Variants in SCN3A observed in about 807,000 individuals in gnomAD.
SCN3A encodes the protein sodium channel protein type 3 subunit alpha.
In SCN3A, 60 loss-of-function variants were observed where a neutral mutation model predicts 187.6. That is an observed-to-expected ratio of 0.32 (90% CI 0.26 to 0.40). SCN3A has a LOEUF of 0.40. SCN3A is among the 10% of genes least tolerant of loss of function. The probability of loss-of-function intolerance (pLI) is 1.00; values close to 1 mark genes in which losing one functional copy is unlikely to be tolerated. For synonymous variants in SCN3A, 788 were observed against 829.2 expected, an observed-to-expected ratio of 0.95 and a Z score of 0.85; for missense variants, 1,601 against 2,428.2, an observed-to-expected ratio of 0.66 and a Z score of 7.16.
intron 9 of SCN3A, among the ~76,000 whole-genome samples, chr2:165,157,265 A>G (rs530546963): frequency 5.4e-4 from 82 of 152,224 alleles, no homozygotes; most frequent in African/African-American, 1.9e-3. Context: ...CAGGATACAC[A>G]TCGCATTTAG....
chr2:165,123,311 CACATATATA>C (rs1421105602), intron 18 of SCN3A, among the ~76,000 whole-genome samples: 2 of 151,980 alleles, frequency 1.3e-5, no homozygotes, highest in African/African-American at 4.8e-5. Context: ...TATATATACA[CACATATATA>C]ACATATATAA....
In SCN3A at chr2:165,097,473, A is replaced by G. The variant is rs1685412084; in HGVS notation, c.4018T>C (p.Leu1340=). Residue 1340 remains leucine (L), a synonymous_variant, in exon 23 of 28, where the codon TTG becomes CTG. Transcript: ENST00000283254. ...ATCAACCAGAAGATGAGACAGACCA[A>G]CAGCACATTCATGATAGAGGGAATT... ...GAIPSIMNVL[L]VCLIFWLIFS... The G allele has an allele frequency of 1.2e-6, 2 of 1,614,002 alleles. No homozygotes were observed. Among genetic ancestry groups the G allele is most frequent in the Admixed American group, 1.7e-5 (1 of 60,004 alleles).
At chr2:165,123,097 A>G (rs955085881) in intron 18 of SCN3A, among the ~76,000 whole-genome samples, 1 of 151,184 alleles carries the variant, frequency 6.6e-6, no homozygotes, top group African/African-American at 2.4e-5. Flanking sequence ...TATGATTATG[A>G]GAACTTAAAA....
chr2:165,195,301 A>G (rs1297921815), intron 1 of SCN3A: 2 of 152,188 alleles, frequency 1.3e-5, no homozygotes, highest in Non-Finnish European at 2.9e-5. Context: ...GCCGTGTGCC[A>G]GGTGTGCCAC....
rs1406229967 is a variant in SCN3A, at chr2:165,140,784, C to T, written c.1886G>A (p.Ser629Asn). 1.9e-6 allele frequency: 3 copies of T among 1,614,032 alleles called. No individual in the cohort carries two copies. The highest frequency in any genetic ancestry group is 1.1e-5 in the South Asian group (1 of 91,092). The change falls in exon 13 of 28, where the codon AGT (serine) becomes AAT (asparagine). Residue 629 changes from serine (S) to asparagine (N), a missense_variant. By Grantham distance (46) the Ser-to-Asn change is conservative. This residue lies in a region of SCN3A where 376 missense variants were observed against 476.0 expected (regional missense o/e 0.79). Transcript: ENST00000283254. This position sits in a 1 kb window ranked among gnomAD's most constrained non-coding sequence, Gnocchi z 4.2. The part of the protein sequence containing the change: ...ERRNSNVSQA[S>N]MSSRMVPGLP... ...CCCTGGCACCATCCTGGATGACATA[C>T]TGGCCTGACTAACGTTACTGTTGCG...
At chr2:165,155,946 C>T (rs770315670) in intron 9 of SCN3A, 43 bp from the exon 10 acceptor site, 2 of 1,610,558 alleles carry the variant, frequency 1.2e-6, no homozygotes, top group Non-Finnish European at 1.7e-6. Flanking sequence ...TTAGAAATTA[C>T]AGCAATTTCA....
intron 21 of SCN3A, among the ~76,000 whole-genome samples, chr2:165,108,725 TAGC>T (rs563285144): frequency 4.9e-4 from 74 of 152,308 alleles, no homozygotes; most frequent in Non-Finnish European, 8.1e-4. Flanking sequence ...GTGTGGTCAA[TAGC>T]AGCATCTATA....
chr2:165,148,721 C>A (rs1688500263), intron 11 of SCN3A, among the ~76,000 whole-genome samples: 1 of 151,764 alleles, frequency 6.6e-6, no homozygotes, highest in East Asian at 1.9e-4. Flanking sequence ...CAATACCCAG[C>A]ATTTAAATAA....
intron 19 of SCN3A, among the ~76,000 whole-genome samples, chr2:165,114,234 G>C (rs1247637371): frequency 6.6e-6 from 1 of 152,134 alleles, no homozygotes; most frequent in Non-Finnish European, 1.5e-5. Flanking sequence ...CCACCAGTCA[G>C]GATTATTTTG....
chr2:165,102,899 G>A (rs985213898), intron 21 of SCN3A, among the ~76,000 whole-genome samples: 3 of 152,188 alleles, frequency 2.0e-5, no homozygotes, highest in Non-Finnish European at 2.9e-5. Context: ...GGAAAATAAA[G>A]GGAATTTAAA....
chr2:165,187,852 G>A (rs768822969), intron 1 of SCN3A, among the ~76,000 whole-genome samples: 10 of 152,116 alleles, frequency 6.6e-5, no homozygotes, highest in Non-Finnish European at 1.5e-4. Flanking sequence ...ATCAGAAATT[G>A]AGCAATAGAT....
intron 18 of SCN3A, among the ~76,000 whole-genome samples, chr2:165,117,422 T>C (rs898099065): frequency 6.6e-6 from 1 of 152,144 alleles, no homozygotes; most frequent in African/African-American, 2.4e-5. Context: ...TTATAGAGCA[T>C]TTAATCTATT....
At chr2:165,094,594 T>G (rs926730854) in intron 25 of SCN3A, 116 bp from the exon 26 acceptor site, 7 of 716,242 alleles carry the variant, frequency 9.8e-6, no homozygotes, top group Non-Finnish European at 1.7e-5. Flanking sequence ...TCCTCCTACA[T>G]ATACATTTAT....
intron 3 of SCN3A, among the ~76,000 whole-genome samples, chr2:165,172,941 A>T (rs1360110696): frequency 6.6e-6 from 1 of 152,184 alleles, no homozygotes; most frequent in Non-Finnish European, 1.5e-5. Context: ...AATTGCAAGA[A>T]TTTGAAATTA....
intron 12 of SCN3A, among the ~76,000 whole-genome samples, chr2:165,141,520 AT>A (rs1210522741): frequency 2.0e-5 from 3 of 152,080 alleles, no homozygotes; most frequent in Admixed American, 2.0e-4. Flanking sequence ...AAAAACTACT[AT>A]TTTTCCATTC....
At chr2:165,185,114 A>T (rs1691149586) in intron 2 of SCN3A, among the ~76,000 whole-genome samples, 2 of 151,956 alleles carry the variant, frequency 1.3e-5, no homozygotes, top group Admixed American at 6.6e-5. Flanking sequence ...TATCTTCAAG[A>T]TAATTATCCT....
intron 3 of SCN3A, among the ~76,000 whole-genome samples, chr2:165,172,765 A>G (rs1690183770): frequency 6.6e-6 from 1 of 152,156 alleles, no homozygotes. Flanking sequence ...TAGCGGAATT[A>G]CAGCTGACAT....
Position 165,168,385 on chromosome 2 carries a change from T to C in SCN3A, c.473+351A>G, listed in dbSNP as rs1689905082. Among the ~76,000 whole-genome samples the C allele has an allele frequency of 3.3e-5, 5 of 152,030 alleles. No homozygotes were observed. In the South Asian group the frequency reaches 1.0e-3, roughly 32 times the overall value. On this transcript the variant is annotated intron_variant, in intron 5 of 27. Transcript: ENST00000283254. ...GAATATAACAATAATCACTATATACTGGAATAAAATAATTTAATTCATCAA... is the reference window on the plus strand; with the variant it reads ...GAATATAACAATAATCACTATATACCGGAATAAAATAATTTAATTCATCAA...
chr2:165,202,400 C>G (rs999727079), intron 1 of SCN3A, among the ~76,000 whole-genome samples: 6 of 152,010 alleles, frequency 3.9e-5, no homozygotes, highest in Non-Finnish European at 7.4e-5. Flanking sequence ...CAAAGTTACT[C>G]ACATTTAGTC....
Sources: allele counts gnomAD v4.1 joint callset (sites outside exome capture counted in the v4.1 genomes callset), GRCh38; gene constraint gnomAD v4.1.1; regional missense constraint gnomAD v4.1.1; non-coding constraint Gnocchi (gnomAD v3.1); transcripts MANE v1.5; gene names NCBI Gene and HGNC (gene_info 2026-07-23, HGNC 2026-07-21).